The following CFDP1 variants were observed in gnomAD, a reference collection of about 807,000 sequenced individuals.
The protein encoded by CFDP1 is chromatin remodeling protein CFDP1, also known as heterochromatin-stabilizing protein CFDP1.
A neutral mutation model predicts 40.1 loss-of-function variants in CFDP1; 31 were observed. That is an observed-to-expected ratio of 0.77 (90% CI 0.58 to 1.04). The LOEUF is 1.04. Ranked by LOEUF, CFDP1 falls within the 50% of genes least tolerant of loss-of-function variation. The probability of loss-of-function intolerance (pLI) is 0.00; values close to 1 mark genes in which losing one functional copy is unlikely to be tolerated. For synonymous variants in CFDP1, 167 were observed against 120.0 expected, an observed-to-expected ratio of 1.39 and a Z score of -2.56; for missense variants, 423 against 343.4, an observed-to-expected ratio of 1.23 and a Z score of -1.83.
At position 75,301,536 on chromosome 16, in the gene CFDP1, C is replaced by CTTTTTTTT. The variant is rs546724752; in HGVS notation, c.809+3480_809+3487dup. Among the ~76,000 whole-genome samples the CTTTTTTTT allele has an allele frequency of 3.5e-3, 190 of 53,962 alleles. 13 individuals are homozygous for CTTTTTTTT. Among genetic ancestry groups the CTTTTTTTT allele is most frequent in the African/African-American group, 7.3e-3 (106 of 14,500 alleles). The allele number at this position is 53,962 out of a possible 152,430, so 35.4% of individuals were successfully genotyped here. ...TCTCAACATTAGAGTTTTGTTGTGT[C>CTTTTTTTT]TTTTTTTTTTTTTTTTTTTTTTTTT... On this transcript the variant is annotated intron_variant, in intron 6 of 6. Transcript: ENST00000283882.
At chr16:75,402,393 G>C (rs2079063363) in intron 4 of CFDP1, among the ~76,000 whole-genome samples, 1 of 152,156 alleles carries the variant, frequency 6.6e-6, no homozygotes, top group Non-Finnish European at 1.5e-5. Context: ...AGGAAAGTCT[G>C]AGCTAACTGG....
At chr16:75,308,631 CT>C (rs2078273874) in intron 5 of CFDP1, among the ~76,000 whole-genome samples, 1 of 152,152 alleles carries the variant, frequency 6.6e-6, no homozygotes, top group Admixed American at 6.5e-5. Context: ...ACTAAGTATT[CT>C]TTAGAGCGCT....
intron 5 of CFDP1, among the ~76,000 whole-genome samples, chr16:75,393,253 C>T (rs2151561949): frequency 6.6e-6 from 1 of 152,318 alleles, no homozygotes; most frequent in Non-Finnish European, 1.5e-5. Flanking sequence ...TGCTTGATAA[C>T]TCAACCTTTA....
intron 5 of CFDP1, chr16:75,394,868 C>T (rs901202402): frequency 8.8e-6 from 4 of 452,204 alleles, no homozygotes; most frequent in Non-Finnish European, 1.6e-5. Context: ...ACTGTATTGC[C>T]CAGGCTGGTC....
In CFDP1 at chr16:75,370,550, G is replaced by A. The variant is rs1034492865; in HGVS notation, c.650+24540C>T. On this transcript the variant is annotated intron_variant, in intron 5 of 6. Coordinates refer to ENST00000283882, the MANE Select transcript of CFDP1 (RefSeq NM_006324.3). ...GTGCACATGTACCCTAGAACTTAAA[G>A]TATAATAAAATAATAATAATAATAA... is the stretch of plus-strand genomic sequence containing the variant. Among the ~76,000 whole-genome samples the A allele has an allele frequency of 3.3e-5, 5 of 152,188 alleles. No individual in the cohort carries two copies. The East Asian group carries it at 9.7e-4, about 29-fold the overall frequency.
intron 5 of CFDP1, among the ~76,000 whole-genome samples, chr16:75,305,678 A>T (rs2078251973): frequency 6.6e-6 from 1 of 152,232 alleles, no homozygotes. Context: ...TGCAATAAGC[A>T]TGAGCCACTC....
chr16:75,337,547 C>T (rs2078498162), intron 5 of CFDP1, among the ~76,000 whole-genome samples: 1 of 152,110 alleles, frequency 6.6e-6, no homozygotes, highest in Non-Finnish European at 1.5e-5. Flanking sequence ...ATAATTTATA[C>T]AAAAAAGAAG....
At chr16:75,351,853 C>A (rs976979389) in intron 5 of CFDP1, among the ~76,000 whole-genome samples, 1 of 149,536 alleles carries the variant, frequency 6.7e-6, no homozygotes, top group Non-Finnish European at 1.5e-5. Flanking sequence ...ATTAAAAATA[C>A]AAAAATTAGC....
intron 1 of CFDP1, among the ~76,000 whole-genome samples, chr16:75,426,007 G>A (rs1416655492): frequency 1.3e-3 from 151 of 112,196 alleles, no homozygotes; most frequent in African/African-American, 5.3e-3. Context: ...CTGCACTCAA[G>A]CCTGGGCAAC....
intron 1 of CFDP1, among the ~76,000 whole-genome samples, chr16:75,426,235 A>G (rs2079341619): frequency 6.6e-6 from 1 of 151,496 alleles, no homozygotes; most frequent in Admixed American, 6.6e-5. Flanking sequence ...CTGCAATCCC[A>G]GCTACTCAGG....
intron 5 of CFDP1, among the ~76,000 whole-genome samples, chr16:75,359,989 C>CA (rs1279308399): frequency 1.3e-5 from 2 of 152,174 alleles, no homozygotes; most frequent in Non-Finnish European, 2.9e-5. Flanking sequence ...ACTGCAGCCT[C>CA]AAACTCCTGG....
At chr16:75,346,706 T>G (rs2078568659) in intron 5 of CFDP1, among the ~76,000 whole-genome samples, 1 of 115,986 alleles carries the variant, frequency 8.6e-6, no homozygotes, top group African/African-American at 3.3e-5. Context: ...AAGATAGCTC[T>G]AAAATCTTCC....
intron 5 of CFDP1, among the ~76,000 whole-genome samples, chr16:75,328,342 T>C (rs2078418645): frequency 6.8e-6 from 1 of 147,460 alleles, no homozygotes; most frequent in African/African-American, 2.5e-5. Flanking sequence ...CCTGGCACTT[T>C]GGGAGGCCGA....
At chr16:75,397,410 G>C (rs1393570101) in intron 4 of CFDP1, among the ~76,000 whole-genome samples, 18 of 151,700 alleles carry the variant, frequency 1.2e-4, no homozygotes, top group Admixed American at 1.2e-3. Context: ...AGCTACTTAG[G>C]AGGCTGAATC....
chr16:75,431,327 A>T (rs1406433730), intron 1 of CFDP1, among the ~76,000 whole-genome samples: 1 of 150,176 alleles, frequency 6.7e-6, no homozygotes, highest in Non-Finnish European at 1.5e-5. Context: ...GCTGGCGGGG[A>T]CCTGTAGTCC....
At chr16:75,353,106 T>C (rs1411399736) in intron 5 of CFDP1, among the ~76,000 whole-genome samples, 3 of 151,724 alleles carry the variant, frequency 2.0e-5, no homozygotes, top group African/African-American at 7.3e-5. Flanking sequence ...AGTAGAAAAA[T>C]TGAAAAAAAG....
chr16:75,363,456 C>A (rs183017240), intron 5 of CFDP1, among the ~76,000 whole-genome samples: 1 of 151,052 alleles, frequency 6.6e-6, no homozygotes, highest in African/African-American at 2.4e-5. Context: ...AGTGCAGTGG[C>A]GCAATCTCAG....
At chr16:75,413,713 G>C (rs1424840124) in intron 2 of CFDP1, among the ~76,000 whole-genome samples, 2 of 151,822 alleles carry the variant, frequency 1.3e-5, no homozygotes, top group East Asian at 3.9e-4. Flanking sequence ...TTGCTTCAAT[G>C]CCCAGGAAGA....
intron 5 of CFDP1, among the ~76,000 whole-genome samples, chr16:75,306,697 G>C (rs1195503849): frequency 6.6e-6 from 1 of 152,190 alleles, no homozygotes; most frequent in Non-Finnish European, 1.5e-5. Flanking sequence ...CTCTCAGGGT[G>C]GTGCACTGTG....
Sources: gnomAD v4.1 joint callset for allele counts (sites outside exome capture counted in the v4.1 genomes callset) on GRCh38, gnomAD v4.1.1 for gene constraint, MANE v1.5 for transcripts, NCBI Gene and HGNC (gene_info 2026-07-23, HGNC 2026-07-21) for gene names.